Variants in CLMP observed in about 807,000 individuals in gnomAD.
CLMP encodes the protein CXADR like cell adhesion molecule, also known as CXADR-like membrane protein.
Under a neutral mutation model 45.2 loss-of-function variants are expected in CLMP, and 27 were observed. The ratio of observed to expected loss-of-function variants is 0.60; its 90% CI spans 0.44 to 0.82. The LOEUF (loss-of-function observed/expected upper bound fraction) is 0.82, where lower values mean the gene tolerates loss of function less well. Among genes scored for constraint, CLMP ranks in the 40% least tolerant of loss-of-function variants. The pLI, the probability that CLMP is intolerant of heterozygous loss-of-function variation, is 0.00. For synonymous variants in CLMP, 167 were observed against 171.4 expected, an observed-to-expected ratio of 0.97 and a Z score of 0.20; for missense variants, 403 against 448.4, an observed-to-expected ratio of 0.90 and a Z score of 0.91.
intron 1 of CLMP, among the ~76,000 whole-genome samples, chr11:123,138,612 C>T (rs564560177): frequency 1.4e-3 from 195 of 137,716 alleles, no homozygotes; most frequent in African/African-American, 4.8e-3. Context: ...ACCCCCCTCC[C>T]CCTCCCCTGC....
intron 2 of CLMP, among the ~76,000 whole-genome samples, chr11:123,085,409 C>T (rs1383395322): frequency 2.3e-4 from 35 of 151,368 alleles, no homozygotes; most frequent in African/African-American, 6.6e-4. Flanking sequence ...CCACCATGCC[C>T]GGCTAACTTT....
Position 123,156,541 on chromosome 11 carries a change from A to AT in CLMP, c.28+38371dup, listed in dbSNP as rs34832117. Reference sequence around the variant, plus strand: ...ACGCCATTAAGTGGTGGTCGGGGGGATTTTTTTGGTAGTGATAGATAACTG... The same window carrying AT: ...ACGCCATTAAGTGGTGGTCGGGGGGATTTTTTTTGGTAGTGATAGATAACTG... On this transcript the variant is annotated intron_variant, in intron 1 of 6. Transcript: ENST00000448775. Among the ~76,000 whole-genome samples, 49 of 152,088 alleles carry AT rather than the reference A, an allele frequency of 3.2e-4. No homozygotes were observed. The South Asian group carries it at 8.5e-3, about 26-fold the overall frequency.
chr11:123,119,743 G>A (rs1860786891), intron 1 of CLMP, among the ~76,000 whole-genome samples: 1 of 151,704 alleles, frequency 6.6e-6, no homozygotes, highest in African/African-American at 2.4e-5. Context: ...CTGGAGTACA[G>A]CGGTGCAATG....
At chr11:123,175,610 A>C (rs1159810220) in intron 1 of CLMP, among the ~76,000 whole-genome samples, 1 of 152,250 alleles carries the variant, frequency 6.6e-6, no homozygotes, top group Non-Finnish European at 1.5e-5. Flanking sequence ...GGTGTGAGTC[A>C]CCACGCCCAG....
At position 123,074,844 on chromosome 11, in the gene CLMP, C is replaced by T; in HGVS notation, c.680-1G>A. On this transcript the variant is annotated splice_acceptor_variant, in intron 5 of 6. Coordinates refer to ENST00000448775, the MANE Select transcript of CLMP (RefSeq NM_024769.5). LOFTEE classifies it high-confidence loss of function. ...GCAACCATGCCGATGCTTTGTACAT[C>T]TATTTTCTCAGAAGCAAAAGCACAA... 1 of 1,610,514 alleles carries T rather than the reference C, an allele frequency of 6.2e-7. No homozygotes were observed. The highest frequency in any genetic ancestry group is 8.5e-7 in the Non-Finnish European group (1 of 1,178,950).
At chr11:123,117,246 T>A (rs1024879074) in intron 1 of CLMP, among the ~76,000 whole-genome samples, 2 of 151,972 alleles carry the variant, frequency 1.3e-5, no homozygotes, top group South Asian at 4.1e-4. Context: ...TGTATATATA[T>A]AATTTCATTT....
chr11:123,074,220 G>A (rs1319283377), intron 6 of CLMP, among the ~76,000 whole-genome samples: 1 of 148,338 alleles, frequency 6.7e-6, no homozygotes, highest in African/African-American at 2.5e-5. Flanking sequence ...TGTCACCCAG[G>A]CTGGAGTACA....
chr11:123,097,881 G>A lies in CLMP; in HGVS notation c.100C>T (p.Pro34Ser), dbSNP rs1181321971. Residue 34 changes from proline (P) to serine (S), a missense_variant, in exon 2 of 7, where the codon CCC becomes TCC. Pro to Ser is a moderately conservative substitution (Grantham distance 74). Coordinates refer to ENST00000448775, the MANE Select transcript of CLMP (RefSeq NM_024769.5). The part of the protein sequence containing the change: ...KRVAEEKVTL[P>S]CHHQLGLPEK... ...GGAAGCCCCAGTTGATGGTGGCAGG[G>A]CAAAGTGACCTTTTCCTCTGCCACT... 1.2e-6 allele frequency: 2 copies of A among 1,610,068 alleles called. No homozygotes were observed. The highest frequency in any genetic ancestry group is 2.7e-5 in the African/African-American group (2 of 74,788).
intron 1 of CLMP, among the ~76,000 whole-genome samples, chr11:123,107,825 T>G (rs927271174): frequency 2.0e-5 from 3 of 152,102 alleles, no homozygotes; most frequent in Admixed American, 6.6e-5. Flanking sequence ...TTGTACCAGT[T>G]GAAATCAAGT....
In CLMP at chr11:123,183,005, G is replaced by A. The variant is rs181938781; in HGVS notation, c.28+11908C>T. ...AATGCAAGCTTAGAAAAGTGAGGATGTCACCTCTCTCAGGTCAGATGATTC... is the reference window on the plus strand; with the variant it reads ...AATGCAAGCTTAGAAAAGTGAGGATATCACCTCTCTCAGGTCAGATGATTC... On this transcript the variant is annotated intron_variant, in intron 1 of 6. Transcript: ENST00000448775. Among the ~76,000 whole-genome samples the A allele has an allele frequency of 1.6e-4, 24 of 152,354 alleles. No individual in the cohort carries two copies. The East Asian group carries it at 4.6e-3, about 29-fold the overall frequency.
intron 1 of CLMP, among the ~76,000 whole-genome samples, chr11:123,152,179 A>G (rs188545893): frequency 2.0e-5 from 3 of 152,280 alleles, no homozygotes; most frequent in Admixed American, 2.0e-4. Context: ...TAATAATTAT[A>G]AGGAGCTATA....
intron 1 of CLMP, among the ~76,000 whole-genome samples, chr11:123,102,151 T>G (rs1437004535): frequency 6.6e-6 from 1 of 151,086 alleles, no homozygotes; most frequent in Non-Finnish European, 1.5e-5. Flanking sequence ...ACCACTGCAC[T>G]CCAGCATGGG....
At chr11:123,173,996 C>A (rs960705438) in intron 1 of CLMP, among the ~76,000 whole-genome samples, 5 of 152,028 alleles carry the variant, frequency 3.3e-5, no homozygotes, top group Non-Finnish European at 7.4e-5. Context: ...GGTGGGAGGA[C>A]CACCTGAGTC....
intron 1 of CLMP, among the ~76,000 whole-genome samples, chr11:123,165,413 T>C (rs1279597296): frequency 6.6e-6 from 1 of 152,226 alleles, no homozygotes; most frequent in Non-Finnish European, 1.5e-5. Context: ...ATAGTGTATA[T>C]GAAGTCCATG....
chr11:123,156,238 C>T (rs975172961), intron 1 of CLMP, among the ~76,000 whole-genome samples: 21 of 152,340 alleles, frequency 1.4e-4, no homozygotes, highest in African/African-American at 4.8e-4. Context: ...AGATAGACCT[C>T]ACCTGACACT....
intron 1 of CLMP, among the ~76,000 whole-genome samples, chr11:123,186,015 C>T (rs1484212930): frequency 6.6e-6 from 1 of 152,186 alleles, no homozygotes; most frequent in Non-Finnish European, 1.5e-5. Flanking sequence ...TCCTGTCTGT[C>T]TGTGTGTCAC....
intron 1 of CLMP, among the ~76,000 whole-genome samples, chr11:123,143,126 G>A (rs565732324): frequency 6.6e-6 from 1 of 152,254 alleles, no homozygotes; most frequent in East Asian, 1.9e-4. Flanking sequence ...TGGAGTTCTG[G>A]GTAAGCTTAT....
chr11:123,094,195 C>T (rs971559522), intron 2 of CLMP, among the ~76,000 whole-genome samples: 3 of 152,096 alleles, frequency 2.0e-5, no homozygotes, highest in Admixed American at 2.0e-4. Flanking sequence ...GCAGCCTCGA[C>T]TTCCCATGCT....
rs7101442 is a variant in CLMP, at chr11:123,093,011, G to A, written c.186+4784C>T. Among the ~76,000 whole-genome samples the A allele has an allele frequency of 2.9e-3, 437 of 150,686 alleles. 2 individuals carry two copies. The highest frequency in any genetic ancestry group is 0.01 in the African/African-American group (421 of 40,930). ...CAACCTCCTCATCCCAGGTTCAAGC[G>A]ATTCTCCTGCCTCAGCCTCCTGAGT... is the stretch of plus-strand genomic sequence containing the variant. On this transcript the variant is annotated intron_variant, in intron 2 of 6. Coordinates refer to ENST00000448775, the MANE Select transcript of CLMP (RefSeq NM_024769.5).
Sources: allele counts gnomAD v4.1 joint callset (sites outside exome capture counted in the v4.1 genomes callset), GRCh38; gene constraint gnomAD v4.1.1; transcripts MANE v1.5; gene names NCBI Gene and HGNC (gene_info 2026-07-23, HGNC 2026-07-21).